The following RETREG1 variants were observed in gnomAD, a reference collection of about 807,000 sequenced individuals.
The protein encoded by RETREG1 is reticulophagy regulator 1.
Under a neutral mutation model 54.8 loss-of-function variants are expected in RETREG1, and 44 were observed. The ratio of observed to expected loss-of-function variants is 0.80; its 90% confidence interval spans 0.63 to 1.03. RETREG1 has a LOEUF of 1.03. Ranked by LOEUF, RETREG1 falls within the 50% of genes least tolerant of loss-of-function variation. RETREG1 has a pLI of 0.00. For missense variants in RETREG1, 554 were observed against 605.1 expected, an observed-to-expected ratio of 0.92 and a Z score of 0.89; for synonymous variants, 217 against 238.5, an observed-to-expected ratio of 0.91 and a Z score of 0.83.
chr5:16,577,728 G>A (rs1021120087), intron 1 of RETREG1, among the ~76,000 whole-genome samples: 4 of 152,072 alleles, frequency 2.6e-5, no homozygotes, highest in African/African-American at 9.7e-5. Flanking sequence ...GGGACCCAAT[G>A]GGAGACAATT....
chr5:16,527,095 T>C (rs550251215), intron 3 of RETREG1, among the ~76,000 whole-genome samples: 1 of 152,358 alleles, frequency 6.6e-6, no homozygotes, highest in East Asian at 1.9e-4. Flanking sequence ...GCTGCTTCCT[T>C]TACCTTCCCC....
intron 3 of RETREG1, among the ~76,000 whole-genome samples, chr5:16,536,056 G>C (rs1252706135): frequency 6.6e-6 from 1 of 152,240 alleles, no homozygotes; most frequent in African/African-American, 2.4e-5. Flanking sequence ...TGTGCACGCT[G>C]CCTTGGGCTG....
At chr5:16,550,124 G>A (rs972626517) in intron 3 of RETREG1, among the ~76,000 whole-genome samples, 5 of 152,124 alleles carry the variant, frequency 3.3e-5, no homozygotes, top group African/African-American at 1.2e-4. Context: ...AACAGCACGT[G>A]AGTAATAATG....
At chr5:16,483,567 G>A (rs1738899568) in intron 3 of RETREG1, 95 bp from the exon 4 acceptor site, 1 of 1,325,378 alleles carries the variant, frequency 7.5e-7, no homozygotes, top group Admixed American at 1.7e-5. Context: ...ATCTACTGTT[G>A]GCCACACCCT....
intron 3 of RETREG1, among the ~76,000 whole-genome samples, chr5:16,504,051 C>T (rs1049741331): frequency 1.3e-5 from 2 of 152,206 alleles, no homozygotes; most frequent in African/African-American, 2.4e-5. Context: ...AATGCTCTCC[C>T]TCCCCCCAAC....
At chr5:16,572,644 G>A (rs931462606) in intron 1 of RETREG1, among the ~76,000 whole-genome samples, 3 of 152,134 alleles carry the variant, frequency 2.0e-5, no homozygotes, top group Admixed American at 6.5e-5. Flanking sequence ...CTCCAATTTC[G>A]GGCAGAGGAT....
chr5:16,508,654 A>T, intron 3 of RETREG1: 7 of 1,613,792 alleles, frequency 4.3e-6, no homozygotes, highest in Non-Finnish European at 5.9e-6. Flanking sequence ...AGGCTGCAGC[A>T]CCTGCTAACC....
At position 16,600,821 on chromosome 5, in the gene RETREG1, T is replaced by C. The variant is rs1336041338; in HGVS notation, c.320+15831A>G. 6.0e-4 allele frequency among the ~76,000 whole-genome samples: 91 copies of C among 152,018 alleles called. 2 individuals are homozygous for C. Among genetic ancestry groups the C allele is most frequent in the Admixed American group, 5.9e-3 (90 of 15,268 alleles). ...ACACACAAGAAAACCTCGAATAAAC[T>C]ATCTTCTCCTTTTTATTAAAGAAGA... is the stretch of plus-strand genomic sequence containing the variant. On this transcript the variant is annotated intron_variant, in intron 1 of 8. Coordinates refer to ENST00000306320, the MANE Select transcript of RETREG1 (RefSeq NM_001034850.3).
intron 1 of RETREG1, among the ~76,000 whole-genome samples, chr5:16,608,970 C>T (rs186434353): frequency 2.6e-5 from 4 of 152,270 alleles, no homozygotes; most frequent in East Asian, 1.9e-4. Context: ...GGAAAATGGA[C>T]GCTGCTTCAT....
chr5:16,565,632 C>G lies in RETREG1; in HGVS notation c.458+131G>C, dbSNP rs868117273. 4 of 986,350 alleles carry G rather than the reference C, an allele frequency of 4.1e-6. 1 individual carries two copies. In the Middle Eastern group the frequency reaches 8.4e-4, roughly 206 times the overall value. 61.1% of individuals were successfully genotyped at this position (986,350 alleles called of 1,614,324 possible). A position where few individuals can be genotyped will look rare whatever the true frequency, so the allele number is the denominator to read the frequency against. ...ATTGATGGTATTTTTCTTCATTTTC[C>G]CACTCTGGTAAATTACTCTTGGATT... On this transcript the variant is annotated intron_variant, in intron 3 of 8. Coordinates refer to ENST00000306320, the MANE Select transcript of RETREG1 (RefSeq NM_001034850.3).
At position 16,510,375 on chromosome 5, in the gene RETREG1, G is replaced by A. The variant is rs1740131813; in HGVS notation, c.459-26903C>T. On this transcript the variant is annotated intron_variant, in intron 3 of 8. Transcript: ENST00000306320. ...CATAGGCTGAGCTCTGAAGGTCGGG[G>A]TGTGCGAGAGCCTGTCAGAGGCAGG... Among the ~76,000 whole-genome samples, 3 of 152,144 alleles carry A rather than the reference G, an allele frequency of 2.0e-5. No individual in the cohort carries two copies. In the South Asian group the frequency reaches 6.2e-4, roughly 31 times the overall value.
chr5:16,610,988 A>G (rs1353277223), intron 1 of RETREG1, among the ~76,000 whole-genome samples: 1 of 152,240 alleles, frequency 6.6e-6, no homozygotes, highest in African/African-American at 2.4e-5. Context: ...TCACAATACC[A>G]AAGACTTGGA....
At chr5:16,528,099 G>A (rs1297116930) in intron 3 of RETREG1, among the ~76,000 whole-genome samples, 3 of 151,992 alleles carry the variant, frequency 2.0e-5, no homozygotes, top group Admixed American at 6.5e-5. Context: ...GTGAGCCACC[G>A]CGCCCGGCCA....
At chr5:16,595,510 G>C (rs1742876401) in intron 1 of RETREG1, among the ~76,000 whole-genome samples, 1 of 152,036 alleles carries the variant, frequency 6.6e-6, no homozygotes, top group Admixed American at 6.6e-5. Context: ...TGTTAGTTAC[G>C]AGCATACAAC....
chr5:16,498,391 G>A (rs1335107336), intron 3 of RETREG1, among the ~76,000 whole-genome samples: 1 of 152,118 alleles, frequency 6.6e-6, no homozygotes, highest in African/African-American at 2.4e-5. Context: ...CATAGAAAAG[G>A]TACAATAAAA....
chr5:16,497,682 C>G (rs1054563604), intron 3 of RETREG1, among the ~76,000 whole-genome samples: 4 of 152,152 alleles, frequency 2.6e-5, no homozygotes, highest in Admixed American at 2.0e-4. Flanking sequence ...ACCCTCTGTC[C>G]TCATCTCGGG....
chr5:16,539,611 C>T (rs1579663899), intron 3 of RETREG1, among the ~76,000 whole-genome samples: 2 of 152,178 alleles, frequency 1.3e-5, no homozygotes, highest in East Asian at 3.9e-4. Flanking sequence ...CATGCTTGCT[C>T]CTGCAACTGA....
At chr5:16,554,775 C>T (rs1741638935) in intron 3 of RETREG1, among the ~76,000 whole-genome samples, 1 of 152,124 alleles carries the variant, frequency 6.6e-6, no homozygotes, top group Admixed American at 6.6e-5. Context: ...CATAATATTC[C>T]ACTGATCCCA....
intron 3 of RETREG1, among the ~76,000 whole-genome samples, chr5:16,523,695 G>A (rs1297140969): frequency 1.3e-5 from 2 of 152,066 alleles, no homozygotes; most frequent in East Asian, 3.9e-4. Context: ...GTGGCACAAG[G>A]GACAGGACTC....
Sources: allele counts gnomAD v4.1 joint callset (sites outside exome capture counted in the v4.1 genomes callset), GRCh38; gene constraint gnomAD v4.1.1; transcripts MANE v1.5; gene names NCBI Gene and HGNC (gene_info 2026-07-23, HGNC 2026-07-21).